Variants in PTPN18 observed in about 807,000 individuals in gnomAD.
PTPN18 encodes tyrosine-protein phosphatase non-receptor type 18.
In PTPN18, 65 loss-of-function variants were observed where a neutral mutation model predicts 65.4. The observed-to-expected ratio is 0.99, with a 90% confidence interval of 0.81 to 1.22. The LOEUF is 1.22. PTPN18 is among the 50% of genes most tolerant of loss of function. The probability of loss-of-function intolerance (pLI) is 0.00; values close to 1 mark genes in which losing one functional copy is unlikely to be tolerated. For missense variants in PTPN18, 616 were observed against 646.5 expected (o/e 0.95, Z 0.51); for synonymous variants, 255 against 267.8 (o/e 0.95, Z 0.47).
Position 130,373,213 on chromosome 2 carries a change from A to C in PTPN18, c.1372A>C (p.Thr458Pro). 6.3e-7 allele frequency: 1 copy of C among 1,599,578 alleles called. No homozygotes were observed. The highest frequency in any genetic ancestry group is 8.5e-7 in the Non-Finnish European group (1 of 1,173,688). ...KGPRDPPAEW[T>P]RV The stretch of plus-strand genomic sequence containing the variant: ...TCCCCGGGACCCGCCTGCTGAGTGG[A>C]CCCGGGTGTAAGTCTAACGCCAGTT... Residue 458 changes from threonine to proline, a missense_variant, in exon 15 of 15, where the codon ACC becomes CCC. By Grantham distance (38) the Thr-to-Pro change is conservative (BLOSUM62 -1). Around this residue, in one of 3 missense-constraint regions of PTPN18, gnomAD observed 368 missense variants for 386.7 expected, o/e 0.95. Transcript: ENST00000175756. The surrounding 1 kb of genome is among the most constrained non-coding windows in gnomAD (Gnocchi z 4.1).
Position 130,373,086 on chromosome 2 carries a change from C to T in PTPN18, c.1316-71C>T. On this transcript the variant is annotated intron_variant, in intron 14 of 14. Coordinates refer to ENST00000175756, the MANE Select transcript of PTPN18 (RefSeq NM_014369.4). The surrounding 1 kb of genome is among the most constrained non-coding windows in gnomAD (Gnocchi z 4.1). ...GAGGACCTGGAGGCGGGGGGATGGC[C>T]TTCTTCATGTCTGCCAGCTTCCACA... 1 of 1,546,254 alleles carries T rather than the reference C, an allele frequency of 6.5e-7. No homozygotes were observed. The highest frequency in any genetic ancestry group is 8.8e-7 in the Non-Finnish European group (1 of 1,134,976).
At chr2:130,359,108 A>G (rs1236492224) in intron 2 of PTPN18, 125 bp from the exon 3 acceptor site, 4 of 1,459,652 alleles carry the variant, frequency 2.7e-6, no homozygotes, top group Non-Finnish European at 3.8e-6. Context: ...AGCAGCCCAC[A>G]AGGGCACCTT....
At chr2:130,369,909 A>C (rs1680498558) in intron 7 of PTPN18, 82 bp downstream of exon 7, 1 of 1,536,680 alleles carries the variant, frequency 6.5e-7, no homozygotes, top group African/African-American at 1.4e-5. Flanking sequence ...GCATCATACT[A>C]GTACCCACTT....
At chr2:130,361,565 TCCTTTCTTTC>T (rs1358009993) in intron 5 of PTPN18, among the ~76,000 whole-genome samples, 6 of 121,298 alleles carry the variant, frequency 4.9e-5, no homozygotes, top group African/African-American at 2.4e-4. Context: ...TTTCTTTCTT[TCCTTTCTTTC>T]CTTTCTTTCC....
rs917175823 is a variant in PTPN18, at chr2:130,373,091, T to A, written c.1316-66T>A. The stretch of plus-strand genomic sequence containing the variant: ...CCTGGAGGCGGGGGGATGGCCTTCT[T>A]CATGTCTGCCAGCTTCCACACACCT... On this transcript the variant is annotated intron_variant, in intron 14 of 14. Coordinates refer to ENST00000175756, the MANE Select transcript of PTPN18 (RefSeq NM_014369.4). This position sits in a 1 kb window ranked among gnomAD's most constrained non-coding sequence, Gnocchi z 4.1. 1.3e-6 allele frequency: 2 copies of A among 1,550,570 alleles called. No individual in the cohort carries two copies. The highest frequency in any genetic ancestry group is 1.8e-6 in the Non-Finnish European group (2 of 1,139,208).
At chr2:130,372,838 C>A (rs779044841) in intron 13 of PTPN18, 35 bp from the exon 14 acceptor site, 1 of 1,611,736 alleles carries the variant, frequency 6.2e-7, no homozygotes, top group East Asian at 2.2e-5. Context: ...CCTGGGGCTT[C>A]CGGAGCTGAC....
chr2:130,370,355 C>A (rs1680519195), intron 8 of PTPN18, 165 bp downstream of exon 8: 6 of 1,178,620 alleles, frequency 5.1e-6, no homozygotes, highest in Non-Finnish European at 7.2e-6. Flanking sequence ...ACAGACTCAG[C>A]TGGGGAATAA....
intron 12 of PTPN18, 98 bp downstream of exon 12, chr2:130,371,385 A>AGCGAACACTTGGCG: frequency 9.4e-7 from 1 of 1,061,878 alleles, no homozygotes; most frequent in South Asian, 1.5e-5. Flanking sequence ...TCACTTCGCC[A>AGCGAACACTTGGCG]AGTGTTCGCT....
rs1680697388 is a variant in PTPN18 at position 130,374,890 on chromosome 2, C to T, written c.*1666C>T. The T allele has an allele frequency of 9.9e-6, 3 of 303,758 alleles. No individual in the cohort carries two copies. The highest frequency in any genetic ancestry group is 5.6e-5 in the South Asian group (2 of 36,024). The allele number at this position is 303,758 out of a possible 1,614,324, so 18.8% of individuals were successfully genotyped here. A position where few individuals can be genotyped will look rare whatever the true frequency, so the allele number is the denominator to read the frequency against. On this transcript the variant is annotated 3_prime_UTR_variant, in exon 15 of 15. Transcript: ENST00000175756. ...ATGATGGGGATGTGTACATACCCCACCCCACCCCTTGGCAGGGTGATGCTG... is the reference window on the plus strand; with the variant it reads ...ATGATGGGGATGTGTACATACCCCATCCCACCCCTTGGCAGGGTGATGCTG...
At position 130,370,609 on chromosome 2, in the gene PTPN18, C is replaced by G. The variant is rs773354664; in HGVS notation, c.742C>G (p.Leu248Val). ...GTGCACCGTGGATTATGTGAGGCAGCTGCTCCTGACCCAGGTACGATACAG... is the reference window on the plus strand; with the variant it reads ...GTGCACCGTGGATTATGTGAGGCAGGTGCTCCTGACCCAGGTACGATACAG... ...VLCTVDYVRQ[L>V]LLTQMIPPDF... Residue 248 changes from leucine (L) to valine (V), a missense_variant, in exon 9 of 15, where the codon CTG (leucine) becomes GTG (valine). Coordinates refer to ENST00000175756, the MANE Select transcript of PTPN18 (RefSeq NM_014369.4). 7 of 1,614,162 alleles carry G rather than the reference C, an allele frequency of 4.3e-6. No individual in the cohort carries two copies. Among genetic ancestry groups the G allele is most frequent in the Non-Finnish European group, 5.9e-6 (7 of 1,180,030 alleles).
chr2:130,367,665 G>T lies in PTPN18; in HGVS notation c.415-1468G>T, dbSNP rs58415102. 7.2e-5 allele frequency among the ~76,000 whole-genome samples: 11 copies of T among 151,772 alleles called. No individual in the cohort carries two copies. In the East Asian group the frequency reaches 1.4e-3, roughly 19 times the overall value. ...CGCCAAGCCTGGGTGACAGAGCAAG[G>T]GTCTCAAAAAAAAATTTTTTTTTCT... On this transcript the variant is annotated intron_variant, in intron 5 of 14. Coordinates refer to ENST00000175756, the MANE Select transcript of PTPN18 (RefSeq NM_014369.4).
Position 130,359,068 on chromosome 2 carries a change from C to G in PTPN18, c.202+93C>G. 2.1e-6 allele frequency: 3 copies of G among 1,453,694 alleles called. No individual in the cohort carries two copies. In the South Asian group the frequency reaches 3.6e-5, roughly 17 times the overall value. 90.0% of individuals were successfully genotyped at this position (1,453,694 alleles called of 1,614,324 possible). A position where few individuals can be genotyped will look rare whatever the true frequency, so the allele number is the denominator to read the frequency against. On this transcript the variant is annotated intron_variant, in intron 2 of 14. Transcript: ENST00000175756. ...GCACTGGAGTCACCCACTGTGCTCT[C>G]CTCCCAGAGCCTCACCCTCTGCACT...
At position 130,359,359 on chromosome 2, in the gene PTPN18, G is replaced by C. The variant is rs776569828; in HGVS notation, c.280-38G>C. The C allele has an allele frequency of 1.3e-5, 21 of 1,613,964 alleles. No homozygotes were observed. The African/African-American group carries it at 2.7e-4, about 21-fold the overall frequency. On this transcript the variant is annotated intron_variant, in intron 3 of 14. Coordinates refer to ENST00000175756, the MANE Select transcript of PTPN18 (RefSeq NM_014369.4). The stretch of plus-strand genomic sequence containing the variant: ...GGTGGACTGGGAGTGGCCAGGGGTG[G>C]GCCGCAGAATCTCAGTCGTGAATTC...
chr2:130,375,039 A>C lies in PTPN18; in HGVS notation c.*1815A>C. 9.6e-6 allele frequency: 2 copies of C among 207,672 alleles called. No individual in the cohort carries two copies. Among genetic ancestry groups the C allele is most frequent in the Non-Finnish European group, 1.0e-5 (1 of 100,312 alleles). 12.9% of individuals were successfully genotyped at this position (207,672 alleles called of 1,614,324 possible). ...TTTCCTTCCTGTTCTCTGTGCCCCTACTCCCACTCTAGAGCTGCCCCGTTT... is the reference window on the plus strand; with the variant it reads ...TTTCCTTCCTGTTCTCTGTGCCCCTCCTCCCACTCTAGAGCTGCCCCGTTT... On this transcript the variant is annotated 3_prime_UTR_variant, in exon 15 of 15. Coordinates refer to ENST00000175756, the MANE Select transcript of PTPN18 (RefSeq NM_014369.4).
chr2:130,371,076 T>A, intron 11 of PTPN18, 112 bp downstream of exon 11: 8 of 1,372,228 alleles, frequency 5.8e-6, no homozygotes, highest in Non-Finnish European at 8.1e-6. Flanking sequence ...GACTATGACA[T>A]CCACCTGTGC....
chr2:130,373,453 G>A lies in PTPN18; in HGVS notation c.*229G>A, dbSNP rs1351755947. On this transcript the variant is annotated 3_prime_UTR_variant, in exon 15 of 15. Coordinates refer to ENST00000175756, the MANE Select transcript of PTPN18 (RefSeq NM_014369.4). This position sits in a 1 kb window ranked among gnomAD's most constrained non-coding sequence, Gnocchi z 4.1. ...GTGAGGCTGCACAGAGCAGATTCAA[G>A]AAAGAAGATCAGGAAGGGGCATGAC... 4.4e-6 allele frequency: 2 copies of A among 449,546 alleles called. No individual in the cohort carries two copies. Among genetic ancestry groups the A allele is most frequent in the South Asian group, 4.4e-5 (1 of 22,580 alleles). The allele number at this position is 449,546 out of a possible 1,614,324, so 27.8% of individuals were successfully genotyped here. A position where few individuals can be genotyped will look rare whatever the true frequency, so the allele number is the denominator to read the frequency against.
rs201707177 is a variant in PTPN18, at chr2:130,370,560, G to A, written c.693G>A (p.Ala231=). 1.7e-5 allele frequency: 28 copies of A among 1,614,000 alleles called. No homozygotes were observed. The highest frequency in any genetic ancestry group is 1.2e-4 in the African/African-American group (9 of 74,866). ...CACACTCTGATTCTCTTGTCAGTGC[G>A]GGTTGTGGGCGAACAGGCGTCCTGT... ...GPEPLCVHCS[A]GCGRTGVLCT... The change falls in exon 9 of 15, where the codon GCG becomes GCA. Residue 231 remains alanine (A), a synonymous_variant. Transcript: ENST00000175756.
At chr2:130,369,575 C>T (rs76267352) in intron 6 of PTPN18, among the ~76,000 whole-genome samples, 190 bp from the exon 7 acceptor site, 1,576 of 152,212 alleles carry the variant, frequency 0.01, 20 homozygotes, top group African/African-American at 0.035. Flanking sequence ...TATAATAGTT[C>T]CTCTTTTGCT....
intron 5 of PTPN18, among the ~76,000 whole-genome samples, chr2:130,364,943 T>C (rs1573861461): frequency 6.6e-6 from 1 of 152,212 alleles, no homozygotes; most frequent in African/African-American, 2.4e-5. Context: ...ACAGTGGCTG[T>C]ACCATTTTAC....
Sources: allele counts gnomAD v4.1 joint callset (sites outside exome capture counted in the v4.1 genomes callset), GRCh38; gene constraint gnomAD v4.1.1; regional missense constraint gnomAD v4.1.1; non-coding constraint Gnocchi (gnomAD v3.1); transcripts MANE v1.5; gene names NCBI Gene and HGNC (gene_info 2026-07-23, HGNC 2026-07-21).